Variants in CREB5 observed in about 807,000 individuals in gnomAD.
CREB5 encodes cAMP responsive element binding protein 5.
CREB5 carries 19 observed loss-of-function variants against 57.1 expected under a neutral mutation model. That is an observed-to-expected ratio of 0.33 (90% CI 0.23 to 0.49). The LOEUF (loss-of-function observed/expected upper bound fraction) is 0.49, where lower values mean the gene tolerates loss of function less well. CREB5 is among the 20% of genes least tolerant of loss of function. CREB5 has a pLI of 0.99. For synonymous variants in CREB5, 238 were observed against 238.3 expected, an observed-to-expected ratio of 1.00 and a Z score of 0.01; for missense variants, 579 against 671.6, an observed-to-expected ratio of 0.86 and a Z score of 1.52.
At chr7:28,372,100 C>A (rs1340435063) in intron 1 of CREB5, among the ~76,000 whole-genome samples, 2 of 152,180 alleles carry the variant, frequency 1.3e-5, no homozygotes. Flanking sequence ...CACACTAGCT[C>A]TGTGCCAGGC....
intron 2 of CREB5, among the ~76,000 whole-genome samples, chr7:28,490,162 TG>T (rs1484976559): frequency 3.9e-5 from 6 of 152,348 alleles, no homozygotes; most frequent in East Asian, 1.9e-4. Flanking sequence ...CTGATTGCTC[TG>T]GGGAAACAGT....
At chr7:28,718,502 T>C (rs1376850959) in intron 5 of CREB5, among the ~76,000 whole-genome samples, 3 of 152,204 alleles carry the variant, frequency 2.0e-5, no homozygotes, top group Non-Finnish European at 4.4e-5. Flanking sequence ...CTTGTTTCTA[T>C]TGAACATCAG....
intron 7 of CREB5, among the ~76,000 whole-genome samples, chr7:28,786,449 T>C (rs1046407222): frequency 2.0e-5 from 3 of 152,180 alleles, no homozygotes; most frequent in African/African-American, 7.2e-5. Context: ...GATTTTGCCA[T>C]GTTGGCCAGG....
At chr7:28,356,275 AAAG>A (rs1309526168) in intron 1 of CREB5, among the ~76,000 whole-genome samples, 1 of 152,228 alleles carries the variant, frequency 6.6e-6, no homozygotes, top group Non-Finnish European at 1.5e-5. Flanking sequence ...AGCATGCTGG[AAAG>A]AAGGATTTCC....
At chr7:28,684,058 G>C (rs1800728898) in intron 5 of CREB5, among the ~76,000 whole-genome samples, 1 of 152,208 alleles carries the variant, frequency 6.6e-6, no homozygotes, top group South Asian at 2.1e-4. Flanking sequence ...AACCAAGATG[G>C]TCAATGGCTC....
At chr7:28,780,138 T>G (rs895830132) in intron 7 of CREB5, among the ~76,000 whole-genome samples, 1 of 152,126 alleles carries the variant, frequency 6.6e-6, no homozygotes, top group African/African-American at 2.4e-5. Flanking sequence ...ATCTTCTGCT[T>G]CTCTCCACTC....
chr7:28,462,283 A>G (rs1355719220), intron 1 of CREB5, among the ~76,000 whole-genome samples: 2 of 152,186 alleles, frequency 1.3e-5, no homozygotes, highest in Non-Finnish European at 2.9e-5. Flanking sequence ...CATTTAATGT[A>G]TGGTTATATC....
chr7:28,563,903 G>T (rs1426769834), intron 4 of CREB5, among the ~76,000 whole-genome samples: 1 of 152,122 alleles, frequency 6.6e-6, no homozygotes, highest in Non-Finnish European at 1.5e-5. Context: ...TCTACTCCAT[G>T]TGTCCTCTGA....
At chr7:28,406,599 G>A (rs1381969512) in intron 1 of CREB5, among the ~76,000 whole-genome samples, 1 of 152,240 alleles carries the variant, frequency 6.6e-6, no homozygotes, top group Non-Finnish European at 1.5e-5. Context: ...CCTGGTGGGT[G>A]AGAGGGCATT....
chr7:28,798,174 G>C (rs947875168), intron 7 of CREB5, among the ~76,000 whole-genome samples: 8 of 152,074 alleles, frequency 5.3e-5, no homozygotes, highest in Admixed American at 2.0e-4. Context: ...AACCTTTCTG[G>C]AAAGAATACT....
At chr7:28,408,591 G>A (rs1297411400), upstream of CREB5, among the ~76,000 whole-genome samples, 49 of 152,116 alleles carry the variant, frequency 3.2e-4, 1 homozygote, top group Non-Finnish European at 5.9e-5. Flanking sequence ...CGGCTCTGAC[G>A]CCGTGTCTAA....
At chr7:28,483,135 G>A (rs967015570) in intron 1 of CREB5, among the ~76,000 whole-genome samples, 12 of 152,216 alleles carry the variant, frequency 7.9e-5, no homozygotes, top group African/African-American at 2.9e-4. Context: ...GGTATTTACA[G>A]TATATTGTGT....
intron 5 of CREB5, among the ~76,000 whole-genome samples, chr7:28,595,386 G>A (rs1436871867): frequency 6.6e-6 from 1 of 152,022 alleles, no homozygotes; most frequent in Non-Finnish European, 1.5e-5. Context: ...ATAGAGCTCC[G>A]CATAGTGCCT....
intron 1 of CREB5, among the ~76,000 whole-genome samples, chr7:28,444,128 T>C (rs1051449390): frequency 2.6e-5 from 4 of 152,192 alleles, no homozygotes; most frequent in Admixed American, 6.5e-5. Context: ...TCAGCACCGT[T>C]TTATGCTTGT....
chr7:28,656,802 T>C (rs1799349110), intron 5 of CREB5, among the ~76,000 whole-genome samples: 1 of 152,234 alleles, frequency 6.6e-6, no homozygotes, highest in East Asian at 1.9e-4. Context: ...CATTTCTCTT[T>C]GGTTATTACA....
At chr7:28,388,955 T>C (rs1257392318) in intron 1 of CREB5, among the ~76,000 whole-genome samples, 1 of 152,226 alleles carries the variant, frequency 6.6e-6, no homozygotes, top group African/African-American at 2.4e-5. Flanking sequence ...TGTGGTGACA[T>C]GTGTAGAAAA....
intron 4 of CREB5, among the ~76,000 whole-genome samples, chr7:28,546,307 G>T (rs1353172666): frequency 1.3e-5 from 2 of 152,136 alleles, no homozygotes; most frequent in Non-Finnish European, 2.9e-5. Flanking sequence ...GGACATTTGG[G>T]TTGTTTCCAC....
chr7:28,714,397 TGA>T (rs756045816), intron 5 of CREB5, among the ~76,000 whole-genome samples: 11 of 152,206 alleles, frequency 7.2e-5, no homozygotes, highest in Non-Finnish European at 1.6e-4. Flanking sequence ...CTGTCTGTCC[TGA>T]GAGTTTAACA....
intron 1 of CREB5, among the ~76,000 whole-genome samples, chr7:28,320,602 G>A (rs147993184): frequency 6.6e-6 from 1 of 152,310 alleles, no homozygotes; most frequent in African/African-American, 2.4e-5. Flanking sequence ...ATTGTTCTAT[G>A]TTAAGGTTCC....
Sources: gnomAD v4.1 joint callset for allele counts (sites outside exome capture counted in the v4.1 genomes callset) on GRCh38, gnomAD v4.1.1 for gene constraint, MANE v1.5 for transcripts, NCBI Gene and HGNC (gene_info 2026-07-23, HGNC 2026-07-21) for gene names.